Variants in INPP4A observed in about 807,000 individuals in gnomAD.
INPP4A encodes the protein inositol polyphosphate-4-phosphatase type I A, also known as inositol polyphosphate-4-phosphatase, type I, 107kD.
In INPP4A, 33 loss-of-function variants were observed where a neutral mutation model predicts 119.8. That is an observed-to-expected ratio of 0.28 (90% CI 0.21 to 0.37). The LOEUF is 0.37. INPP4A is among the 10% of genes least tolerant of loss of function. INPP4A has a pLI of 1.00. For synonymous variants in INPP4A, 496 were observed against 500.7 expected (o/e 0.99, Z 0.12); for missense variants, 956 against 1,289.9 (o/e 0.74, Z 3.97).
chr2:98,504,457 A>G (rs1423942100), intron 1 of INPP4A, among the ~76,000 whole-genome samples: 1 of 152,184 alleles, frequency 6.6e-6, no homozygotes, highest in African/African-American at 2.4e-5. Flanking sequence ...TTTCCATGGG[A>G]CCTAGAGGAC....
Position 98,447,416 on chromosome 2 carries a change from G to A in INPP4A, c.-166+2331G>A, listed in dbSNP as rs576537788. Among the ~76,000 whole-genome samples the A allele has an allele frequency of 5.3e-4, 80 of 152,102 alleles. 1 individual carries two copies. The South Asian group carries it at 0.016, about 30-fold the overall frequency. On this transcript the variant is annotated intron_variant, in intron 1 of 24. Transcript: ENST00000409851. ...AAGTTCTGTGAGGAAAACATATTTT[G>A]AGGAGACCAATATTAACGCCCATGC...
At chr2:98,507,157 G>C (rs1684224281) in intron 1 of INPP4A, among the ~76,000 whole-genome samples, 1 of 152,330 alleles carries the variant, frequency 6.6e-6, no homozygotes, top group Admixed American at 6.5e-5. Context: ...GCCTCAGGCT[G>C]GGTGACGGTA....
At chr2:98,516,493 A>G (rs1480272647) in intron 1 of INPP4A, among the ~76,000 whole-genome samples, 1 of 152,142 alleles carries the variant, frequency 6.6e-6, no homozygotes. Context: ...AGGGGTAGGC[A>G]TGGGTGAGTT....
At chr2:98,463,268 A>G (rs924313377) in intron 1 of INPP4A, among the ~76,000 whole-genome samples, 1 of 152,206 alleles carries the variant, frequency 6.6e-6, no homozygotes, top group African/African-American at 2.4e-5. Flanking sequence ...GGCCAACTCA[A>G]GCTGCAGGTG....
chr2:98,482,705 G>C (rs1450356146), intron 1 of INPP4A, among the ~76,000 whole-genome samples: 7 of 152,216 alleles, frequency 4.6e-5, no homozygotes, highest in African/African-American at 1.7e-4. Flanking sequence ...AGCAACCCTG[G>C]GATGTGATGC....
intron 1 of INPP4A, among the ~76,000 whole-genome samples, chr2:98,469,212 C>T (rs1228758502): frequency 6.6e-6 from 1 of 152,182 alleles, no homozygotes; most frequent in African/African-American, 2.4e-5. Context: ...AGAACCCAGC[C>T]TCCTGGCTGG....
At chr2:98,462,076 A>T (rs1217757681) in intron 1 of INPP4A, among the ~76,000 whole-genome samples, 1 of 152,146 alleles carries the variant, frequency 6.6e-6, no homozygotes, top group African/African-American at 2.4e-5. Flanking sequence ...TTCAATTATG[A>T]CCTGGCCTGT....
intron 1 of INPP4A, among the ~76,000 whole-genome samples, chr2:98,498,216 T>C (rs113310233): frequency 0.015 from 2,338 of 152,114 alleles, 67 homozygotes; most frequent in African/African-American, 0.054. Context: ...CCATGTGTTG[T>C]TGGGGGGACC....
At chr2:98,518,755 G>A (rs1270310981) in intron 1 of INPP4A, among the ~76,000 whole-genome samples, 3 of 152,202 alleles carry the variant, frequency 2.0e-5, no homozygotes, top group Admixed American at 6.5e-5. Context: ...CAGCAGATCA[G>A]CCCTGCAGGG....
chr2:98,487,186 G>A (rs1288393873), intron 1 of INPP4A, among the ~76,000 whole-genome samples: 1 of 152,134 alleles, frequency 6.6e-6, no homozygotes, highest in Non-Finnish European at 1.5e-5. Flanking sequence ...AACCAAAATT[G>A]ATACATTATT....
intron 4 of INPP4A, among the ~76,000 whole-genome samples, chr2:98,524,490 G>A (rs1256369445): frequency 6.6e-6 from 1 of 152,176 alleles, no homozygotes; most frequent in East Asian, 1.9e-4. Context: ...TCCCTTGTAC[G>A]AAGGCATGTT....
chr2:98,539,033 G>A, intron 9 of INPP4A, 52 bp downstream of exon 9: 1 of 1,075,948 alleles, frequency 9.3e-7, no homozygotes, highest in East Asian at 2.5e-5. Flanking sequence ...GTATCCACTT[G>A]GGCCCGCAGT....
chr2:98,487,291 A>G (rs1482168703), intron 1 of INPP4A, among the ~76,000 whole-genome samples: 1 of 152,170 alleles, frequency 6.6e-6, no homozygotes, highest in Admixed American at 6.5e-5. Context: ...TGTTATGTGT[A>G]TTTGTCATAT....
At chr2:98,489,836 G>C (rs890000762) in intron 1 of INPP4A, among the ~76,000 whole-genome samples, 1 of 151,890 alleles carries the variant, frequency 6.6e-6, no homozygotes, top group Non-Finnish European at 1.5e-5. Context: ...TGAATCATGT[G>C]GAATTACACA....
chr2:98,531,379 A>G (rs1465634666), intron 4 of INPP4A, among the ~76,000 whole-genome samples: 1 of 151,712 alleles, frequency 6.6e-6, no homozygotes, highest in Non-Finnish European at 1.5e-5. Context: ...AAAATAATGG[A>G]AAAAAAAATC....
At chr2:98,539,498 C>T (rs745622101) in intron 9 of INPP4A, 30 bp from the exon 10 acceptor site, 19 of 1,589,612 alleles carry the variant, frequency 1.2e-5, no homozygotes, top group Middle Eastern at 3.7e-4. Context: ...AGTTCATTTG[C>T]AGCCTGTCTC....
intron 24 of INPP4A, among the ~76,000 whole-genome samples, chr2:98,582,889 T>TA (rs1699525702): frequency 6.6e-6 from 1 of 150,746 alleles, no homozygotes; most frequent in Non-Finnish European, 1.5e-5. Flanking sequence ...GCCTACTGCA[T>TA]ACACCAGACA....
chr2:98,504,573 C>A (rs1369726736), intron 1 of INPP4A, among the ~76,000 whole-genome samples: 1 of 152,230 alleles, frequency 6.6e-6, no homozygotes, highest in Non-Finnish European at 1.5e-5. Flanking sequence ...CCCCAGTCTC[C>A]TGGCTTACTG....
rs1700162057 is a variant in INPP4A at position 98,588,651 on chromosome 2, A to G, written c.*1043A>G. 4.5e-6 allele frequency: 1 copy of G among 223,916 alleles called. No individual in the cohort carries two copies. The highest frequency in any genetic ancestry group is 1.8e-4 in the South Asian group (1 of 5,480). 13.9% of individuals were successfully genotyped at this position (223,916 alleles called of 1,614,324 possible). A position where few individuals can be genotyped will look rare whatever the true frequency, so the allele number is the denominator to read the frequency against. On this transcript the variant is annotated 3_prime_UTR_variant, in exon 25 of 25. Coordinates refer to ENST00000409851, the MANE Select transcript of INPP4A (RefSeq NM_001134225.2). Reference sequence around the variant, plus strand: ...TAAGATGACTATTGAGAAACAGTTGAAATTTATTCTCCTCAAATGAGATTT... The same window carrying G: ...TAAGATGACTATTGAGAAACAGTTGGAATTTATTCTCCTCAAATGAGATTT...
Sources: allele counts gnomAD v4.1 joint callset (sites outside exome capture counted in the v4.1 genomes callset), GRCh38; gene constraint gnomAD v4.1.1; transcripts MANE v1.5; gene names NCBI Gene and HGNC (gene_info 2026-07-23, HGNC 2026-07-21).